Variants in USP49 observed in about 807,000 individuals in gnomAD.
The protein encoded by USP49 is ubiquitin carboxyl-terminal hydrolase 49.
Under a neutral mutation model 58.6 loss-of-function variants are expected in USP49, and 24 were observed. The ratio of observed to expected loss-of-function variants is 0.41; its 90% CI spans 0.30 to 0.58. USP49 has a LOEUF of 0.58. USP49 is among the 20% of genes least tolerant of loss of function. The probability of loss-of-function intolerance (pLI) is 0.30; values close to 1 mark genes in which losing one functional copy is unlikely to be tolerated. For missense variants in USP49, 703 were observed against 866.1 expected (o/e 0.81, Z 2.36); for synonymous variants, 408 against 365.1 (o/e 1.12, Z -1.34).
At chr6:41,799,989 G>C (rs1211566677) in intron 5 of USP49, 51 bp from the exon 6 acceptor site, 1 of 1,516,954 alleles carries the variant, frequency 6.6e-7, no homozygotes, top group African/African-American at 1.4e-5. Flanking sequence ...GTTTTTTCTA[G>C]CTATGGCAGA....
At position 41,802,452 on chromosome 6, in the gene USP49, A is replaced by ATTTTTT. The variant is rs1561902624; in HGVS notation, c.1561+1353_1561+1354insAAAAAA. On this transcript the variant is annotated intron_variant, in intron 5 of 7. Transcript: ENST00000682992. ...ATTTTATTTATTTATTTATTTATTT[A>ATTTTTT]TTTATTTATTTATTTATTTTTTATT... Among the ~76,000 whole-genome samples, 49 of 63,800 alleles carry ATTTTTT rather than the reference A, an allele frequency of 7.7e-4. 5 individuals carry two copies. The highest frequency in any genetic ancestry group is 1.3e-3 in the African/African-American group (18 of 13,758). The allele number at this position is 63,800 out of a possible 152,430, so 41.9% of individuals were successfully genotyped here. A position where few individuals can be genotyped will look rare whatever the true frequency, so the allele number is the denominator to read the frequency against.
intron 3 of USP49, among the ~76,000 whole-genome samples, chr6:41,814,332 G>A (rs1395504257): frequency 6.6e-6 from 1 of 152,116 alleles, no homozygotes; most frequent in Non-Finnish European, 1.5e-5. Context: ...ATATTTAAAA[G>A]CATTCTATAA....
chr6:41,849,301 A>G (rs1773979171), intron 3 of USP49, among the ~76,000 whole-genome samples: 3 of 152,230 alleles, frequency 2.0e-5, no homozygotes, highest in South Asian at 4.1e-4. Flanking sequence ...TAAATATATG[A>G]AATAAACTTA....
At chr6:41,840,695 T>C (rs963991672) in intron 3 of USP49, among the ~76,000 whole-genome samples, 4 of 152,342 alleles carry the variant, frequency 2.6e-5, no homozygotes, top group Non-Finnish European at 5.9e-5. Flanking sequence ...TCTTTTCATT[T>C]TATAACACTG....
chr6:41,891,536 T>C (rs1774810538), intron 2 of USP49, among the ~76,000 whole-genome samples: 1 of 152,240 alleles, frequency 6.6e-6, no homozygotes, highest in Non-Finnish European at 1.5e-5. Flanking sequence ...AAGCATTATA[T>C]GTGTGTTGGC....
At chr6:41,850,041 G>A (rs997579705) in intron 3 of USP49, among the ~76,000 whole-genome samples, 12 of 152,158 alleles carry the variant, frequency 7.9e-5, no homozygotes, top group Non-Finnish European at 1.3e-4. Flanking sequence ...CACAAGAGAA[G>A]TTAGAAAATA....
At chr6:41,839,223 A>G (rs192610382) in intron 3 of USP49, among the ~76,000 whole-genome samples, 1 of 151,954 alleles carries the variant, frequency 6.6e-6, no homozygotes, top group East Asian at 1.9e-4. Context: ...CCTGGGCAAC[A>G]TGGCAAACCC....
Position 41,821,906 on chromosome 6 carries a change from A to G in USP49, c.-28-14895T>C, listed in dbSNP as rs111266836. Among the ~76,000 whole-genome samples, 3 of 152,300 alleles carry G rather than the reference A, an allele frequency of 2.0e-5. 1 individual carries two copies. Among genetic ancestry groups the G allele is most frequent in the African/African-American group, 7.2e-5 (3 of 41,564 alleles). ...TTTTTGTTTTTCTGACCCCAGTCAC[A>G]TAAAGGTTACCCCCAGTCTACATGA... On this transcript the variant is annotated intron_variant, in intron 3 of 7. Coordinates refer to ENST00000682992, the MANE Select transcript of USP49 (RefSeq NM_001286554.2).
chr6:41,839,122 A>C (rs897184883), intron 3 of USP49, among the ~76,000 whole-genome samples: 12 of 152,130 alleles, frequency 7.9e-5, no homozygotes, highest in African/African-American at 2.9e-4. Context: ...AAAGTCTGAA[A>C]GAGTCCTGGT....
Position 41,805,754 on chromosome 6 carries a change from C to T in USP49, c.1230G>A (p.Lys410=), listed in dbSNP as rs139071131. The T allele has an allele frequency of 6.2e-7, 1 of 1,613,996 alleles. No individual in the cohort carries two copies. Among genetic ancestry groups the T allele is most frequent in the Non-Finnish European group, 8.5e-7 (1 of 1,180,028 alleles). ...CCTCAGACTCGAGTTCCTGCTGCAC[C>T]TTGTGCAGCAGCTCGCAGAGAAATT... ...AQEFLCELLH[K]VQQELESEGT... is the part of the protein sequence containing the mutation. The change falls in exon 4 of 8, where the codon AAG becomes AAA. Residue 410 remains lysine, a synonymous_variant. Transcript: ENST00000682992.
At chr6:41,807,762 A>AT (rs1452879929) in intron 3 of USP49, among the ~76,000 whole-genome samples, 2 of 149,266 alleles carry the variant, frequency 1.3e-5, no homozygotes, top group Admixed American at 1.3e-4. Flanking sequence ...TTTTTAATTT[A>AT]TTTTTTGTTT....
chr6:41,883,798 T>C (rs1774658531), intron 2 of USP49, among the ~76,000 whole-genome samples: 1 of 152,076 alleles, frequency 6.6e-6, no homozygotes, highest in African/African-American at 2.4e-5. Flanking sequence ...TATGCCGCAA[T>C]GCCACTCCTG....
chr6:41,876,818 A>G (rs1462258937), intron 2 of USP49, among the ~76,000 whole-genome samples: 2 of 152,228 alleles, frequency 1.3e-5, no homozygotes. Flanking sequence ...TAAATAAAGA[A>G]AACTTTAAAG....
chr6:41,885,904 G>A (rs960131104), intron 2 of USP49, among the ~76,000 whole-genome samples: 1 of 152,190 alleles, frequency 6.6e-6, no homozygotes, highest in Non-Finnish European at 1.5e-5. Flanking sequence ...AGCAGACAAT[G>A]AAGCCACTCA....
At chr6:41,815,277 T>C (rs1215650858) in intron 3 of USP49, among the ~76,000 whole-genome samples, 3 of 151,874 alleles carry the variant, frequency 2.0e-5, no homozygotes, top group African/African-American at 4.8e-5. Flanking sequence ...AAAAATTAGC[T>C]GGGCATAGTG....
intron 3 of USP49, among the ~76,000 whole-genome samples, chr6:41,848,721 G>T (rs1225467630): frequency 1.3e-5 from 2 of 151,926 alleles, no homozygotes; most frequent in African/African-American, 2.4e-5. Context: ...CAGGTGCAGT[G>T]GCAGGCACCT....
intron 2 of USP49, among the ~76,000 whole-genome samples, chr6:41,889,508 C>T (rs1340126368): frequency 6.6e-6 from 1 of 152,166 alleles, no homozygotes; most frequent in Admixed American, 6.5e-5. Context: ...CTAGCATGTC[C>T]TGAGGACACA....
chr6:41,810,543 A>T (rs966273327), intron 3 of USP49, among the ~76,000 whole-genome samples: 1 of 75,850 alleles, frequency 1.3e-5, no homozygotes, highest in East Asian at 4.1e-4. Context: ...CCCTAAAGAT[A>T]GTTCCTCTTT....
At position 41,806,404 on chromosome 6, in the gene USP49, G is replaced by A. The variant is rs1161321340; in HGVS notation, c.580C>T (p.Arg194Trp). 3 of 1,563,454 alleles carry A rather than the reference G, an allele frequency of 1.9e-6. No homozygotes were observed. The highest frequency in any genetic ancestry group is 2.6e-6 in the Non-Finnish European group (3 of 1,163,432). The change falls in exon 4 of 8, where the codon CGG (arginine) becomes TGG (tryptophan). Residue 194 changes from arginine (R) to tryptophan (W), a missense_variant. Physicochemically the swap from Arg to Trp is moderately radical, Grantham distance 101. Around this residue, in one of 6 missense-constraint regions of USP49, gnomAD observed 376 missense variants for 373.5 expected, o/e 1.01. Transcript: ENST00000682992. This position sits in a 1 kb window ranked among gnomAD's most constrained non-coding sequence, Gnocchi z 5.9. ...CTGGCCAGCTCCTCCAGCAGCCGCC[G>A]TTTCACCTCGCGCCGCCGCCTCCGC... is the stretch of plus-strand genomic sequence containing the variant. ...EARRRRREVK[R>W]RLLEELASTP...
Sources: allele counts gnomAD v4.1 joint callset (sites outside exome capture counted in the v4.1 genomes callset), GRCh38; gene constraint gnomAD v4.1.1; regional missense constraint gnomAD v4.1.1; non-coding constraint Gnocchi (gnomAD v3.1); transcripts MANE v1.5; gene names NCBI Gene and HGNC (gene_info 2026-07-23, HGNC 2026-07-21).